ANKFN1: variants seen among roughly 807,000 people sequenced by gnomAD.
ANKFN1 encodes the protein ankyrin repeat and fibronectin type-III domain-containing protein 1.
ANKFN1 carries 74 observed loss-of-function variants against 108.7 expected under a neutral mutation model. That is an observed-to-expected ratio of 0.68 (90% CI 0.56 to 0.83). The LOEUF (loss-of-function observed/expected upper bound fraction) is 0.83. ANKFN1 is among the 40% of genes least tolerant of loss of function. The pLI, the probability that ANKFN1 is intolerant of heterozygous loss-of-function variation, is 0.00. For missense variants in ANKFN1, 1,505 were observed against 1,382.3 expected (o/e 1.09, Z -1.41); for synonymous variants, 547 against 516.2 (o/e 1.06, Z -0.81).
chr17:56,157,275 C>T (rs966426800), intron 1 of ANKFN1, among the ~76,000 whole-genome samples: 5 of 152,132 alleles, frequency 3.3e-5, no homozygotes, highest in African/African-American at 9.7e-5. Flanking sequence ...TCAGAGACAG[C>T]TATCTAAAAC....
chr17:56,306,906 G>C (rs1345451741), intron 3 of ANKFN1, among the ~76,000 whole-genome samples: 1 of 152,174 alleles, frequency 6.6e-6, no homozygotes, highest in South Asian at 2.1e-4. Flanking sequence ...CAGAACAGAG[G>C]CCTCAGAAAT....
intron 4 of ANKFN1, among the ~76,000 whole-genome samples, chr17:56,086,179 G>A (rs1295688420): frequency 6.6e-6 from 1 of 150,926 alleles, no homozygotes; most frequent in Non-Finnish European, 1.5e-5. Flanking sequence ...GGCCAAGGTG[G>A]GTGGATCACT....
Position 56,511,528 on chromosome 17 carries a change from C to G in ANKFN1, c.*259C>G, listed in dbSNP as rs2145502440. On this transcript the variant is annotated 3_prime_UTR_variant, in exon 21 of 21. Transcript: ENST00000682825. ...ACATGGAATACGACATACAGTGACT[C>G]AAACATGCCACCCTGTTGGTGGCAC... 1 of 448,440 alleles carries G rather than the reference C, an allele frequency of 2.2e-6. No homozygotes were observed. The highest frequency in any genetic ancestry group is 4.2e-5 in the South Asian group (1 of 23,816). 27.8% of individuals were successfully genotyped at this position (448,440 alleles called of 1,614,324 possible).
chr17:56,240,651 T>C (rs1917512884), intron 3 of ANKFN1, among the ~76,000 whole-genome samples: 3 of 152,138 alleles, frequency 2.0e-5, no homozygotes, highest in Admixed American at 2.0e-4. Flanking sequence ...TATGAGCAGG[T>C]CATGTAAGTT....
At chr17:56,361,416 C>T (rs1470811568) in intron 6 of ANKFN1, among the ~76,000 whole-genome samples, 2 of 151,942 alleles carry the variant, frequency 1.3e-5, no homozygotes, top group Non-Finnish European at 2.9e-5. Flanking sequence ...GTTTGGGGAG[C>T]AGCTTTTAAA....
At chr17:56,108,005 G>T (rs1344966024) in intron 4 of ANKFN1, among the ~76,000 whole-genome samples, 1 of 151,980 alleles carries the variant, frequency 6.6e-6, no homozygotes, top group East Asian at 1.9e-4. Context: ...GGGACTACAT[G>T]CATGCGCCAC....
Position 56,061,273 on chromosome 17 carries a change from T to C in ANKFN1, c.288+14948T>C, listed in dbSNP as rs1446557539. On this transcript the variant is annotated intron_variant, in intron 4 of 12. Coordinates refer to the ANKFN1 transcript ENST00000635860. ...CTCTGATGGTAGTTTTTCTTTTTTT[T>C]TTTTTTTTTTTTTTTGAGATGGAGT... is the stretch of plus-strand genomic sequence containing the variant. Among the ~76,000 whole-genome samples the C allele has an allele frequency of 6.2e-4, 82 of 132,734 alleles. 1 individual carries two copies. Among genetic ancestry groups the C allele is most frequent in the African/African-American group, 2.3e-3 (79 of 34,986 alleles). The allele number at this position is 132,734 out of a possible 152,430, so 87.1% of individuals were successfully genotyped here.
intron 1 of ANKFN1, among the ~76,000 whole-genome samples, chr17:56,193,966 A>T (rs1913254039): frequency 6.6e-6 from 1 of 152,256 alleles, no homozygotes; most frequent in African/African-American, 2.4e-5. Flanking sequence ...TGAGGCAAAG[A>T]TCTTAACAGA....
chr17:56,079,441 A>T (rs1035328337), intron 4 of ANKFN1, among the ~76,000 whole-genome samples: 1 of 152,184 alleles, frequency 6.6e-6, no homozygotes, highest in African/African-American at 2.4e-5. Flanking sequence ...CAGAGAAGTG[A>T]CCACAGCCAG....
chr17:56,381,847 G>A (rs7213350), intron 8 of ANKFN1, among the ~76,000 whole-genome samples: 1,677 of 152,246 alleles, frequency 0.011, 37 homozygotes, highest in African/African-American at 0.038. Context: ...ATGGAACCAA[G>A]TTGGAAAACA....
chr17:56,098,096 C>A (rs902508503), intron 4 of ANKFN1, among the ~76,000 whole-genome samples: 1 of 151,990 alleles, frequency 6.6e-6, no homozygotes, highest in African/African-American at 2.4e-5. Flanking sequence ...GGCAATATAA[C>A]CATAGAGGCA....
chr17:56,116,401 C>T (rs1010630967), intron 4 of ANKFN1, among the ~76,000 whole-genome samples: 1 of 152,098 alleles, frequency 6.6e-6, no homozygotes, highest in Non-Finnish European at 1.5e-5. Flanking sequence ...TTTGTTTGGA[C>T]CTTCCAAGTC....
chr17:56,209,799 G>A (rs1478187211), intron 1 of ANKFN1, among the ~76,000 whole-genome samples: 3 of 152,088 alleles, frequency 2.0e-5, no homozygotes, highest in Admixed American at 2.0e-4. Flanking sequence ...CCAATGTGTA[G>A]TCTTTTATCC....
chr17:56,507,598 A>G (rs2051609967), intron 20 of ANKFN1, among the ~76,000 whole-genome samples: 1 of 152,136 alleles, frequency 6.6e-6, no homozygotes, highest in Non-Finnish European at 1.5e-5. Flanking sequence ...GCTTCCCCTC[A>G]GCTCAACCTG....
rs575621554 is a variant in ANKFN1 at position 56,511,847 on chromosome 17, A to G, written c.*578A>G. On this transcript the variant is annotated 3_prime_UTR_variant, in exon 21 of 21. Coordinates refer to ENST00000682825, the MANE Select transcript of ANKFN1 (RefSeq NM_001370326.1). ...GAATTCTCAGGGCTCACCTTATCCAATTTATCCATCAGTACTTATCTGATT... is the reference window on the plus strand; with the variant it reads ...GAATTCTCAGGGCTCACCTTATCCAGTTTATCCATCAGTACTTATCTGATT... Among the ~76,000 whole-genome samples the G allele has an allele frequency of 4.2e-4, 64 of 152,284 alleles. No individual in the cohort carries two copies. Among genetic ancestry groups the G allele is most frequent in the Non-Finnish European group, 7.8e-4 (53 of 68,018 alleles).
intron 1 of ANKFN1, among the ~76,000 whole-genome samples, chr17:56,192,313 G>A (rs1913022385): frequency 7.8e-6 from 1 of 128,982 alleles, no homozygotes; most frequent in African/African-American, 3.0e-5. Flanking sequence ...AGAAAACCTA[G>A]GCATTACCAT....
rs2050743514 is a variant in ANKFN1, at chr17:56,482,484, C to A, written c.2220C>A (p.His740Gln). The change falls in exon 18 of 21, where the codon CAC (histidine) becomes CAA (glutamine). Residue 740 changes from histidine to glutamine, a missense_variant. By Grantham distance (24) the His-to-Gln change is conservative. Transcript: ENST00000682825. ...APGQNNPYTP[H>Q]SGFLNLPLQM... ...GACAGAATAATCCTTACACCCCACA[C>A]TCAGGGTTTCTTAACCTCCCTCTTC... is the stretch of plus-strand genomic sequence containing the variant. 1.2e-6 allele frequency: 2 copies of A among 1,613,190 alleles called. No homozygotes were observed. The highest frequency in any genetic ancestry group is 1.3e-5 in the African/African-American group (1 of 74,912).
chr17:56,426,129 A>C (rs1338560983), intron 8 of ANKFN1, among the ~76,000 whole-genome samples: 1 of 152,238 alleles, frequency 6.6e-6, no homozygotes. Flanking sequence ...CAATAAGTCC[A>C]CATAATTCTC....
intron 8 of ANKFN1, among the ~76,000 whole-genome samples, chr17:56,392,369 G>GA (rs2047465622): frequency 6.6e-6 from 1 of 152,160 alleles, no homozygotes. Flanking sequence ...GAGGTATCCT[G>GA]TTCACGATGG....
Sources: allele counts gnomAD v4.1 joint callset (sites outside exome capture counted in the v4.1 genomes callset), GRCh38; gene constraint gnomAD v4.1.1; transcripts MANE v1.5; gene names NCBI Gene and HGNC (gene_info 2026-07-23, HGNC 2026-07-21).